The following POU2F1 variants were observed in gnomAD, a reference collection of about 807,000 sequenced individuals.
POU2F1 encodes the protein POU class 2 homeobox 1.
A neutral mutation model predicts 84.9 loss-of-function variants in POU2F1; 16 were observed. That is an observed-to-expected ratio of 0.19 (90% CI 0.13 to 0.29). The LOEUF (loss-of-function observed/expected upper bound fraction) is 0.29. Among genes scored for constraint, POU2F1 ranks in the 10% least tolerant of loss-of-function variants. The pLI is 1.00. For synonymous variants in POU2F1, 368 were observed against 368.3 expected (o/e 1.00, Z 0.01); for missense variants, 738 against 942.6 (o/e 0.78, Z 2.84).
At chr1:167,308,906 T>A (rs1655269312) in intron 1 of POU2F1, among the ~76,000 whole-genome samples, 1 of 152,248 alleles carries the variant, frequency 6.6e-6, no homozygotes, top group African/African-American at 2.4e-5. Context: ...TTTGGAATCC[T>A]ACTATAAGGG....
At position 167,308,070 on chromosome 1, in the gene POU2F1, C is replaced by CT. The variant is rs1231393962; in HGVS notation, c.62-24385dup. On this transcript the variant is annotated intron_variant, in intron 1 of 15. Transcript: ENST00000367866. ...GGTGGTGCAAAATTTTTATTTGTTT[C>CT]TTTTTTTTTTTTTTTAGACGGAGCC... 8.0e-4 allele frequency among the ~76,000 whole-genome samples: 111 copies of CT among 138,184 alleles called. 1 individual carries two copies. The highest frequency in any genetic ancestry group is 3.3e-3 in the South Asian group (14 of 4,220). 90.7% of individuals were successfully genotyped at this position (138,184 alleles called of 152,430 possible). A position where few individuals can be genotyped will look rare whatever the true frequency, so the allele number is the denominator to read the frequency against.
rs924594114 is a variant in POU2F1, at chr1:167,424,543, G to A, written c.*8733G>A. On this transcript the variant is annotated 3_prime_UTR_variant, in exon 16 of 16. Coordinates refer to ENST00000367866, the MANE Select transcript of POU2F1 (RefSeq NM_002697.4). ...TACCTCATTTCTAACTCGTGACCGAGTGACTTGCTTTAACTTTCTCGAAAT... is the reference window on the plus strand; with the variant it reads ...TACCTCATTTCTAACTCGTGACCGAATGACTTGCTTTAACTTTCTCGAAAT... 4 of 152,252 alleles carry A rather than the reference G, an allele frequency of 2.6e-5. No individual in the cohort carries two copies. Among genetic ancestry groups the A allele is most frequent in the Non-Finnish European group, 5.9e-5 (4 of 68,080 alleles). The allele number at this position is 152,252 out of a possible 1,614,324, so 9.4% of individuals were successfully genotyped here.
At chr1:167,280,337 T>A (rs1254947583) in intron 1 of POU2F1, among the ~76,000 whole-genome samples, 1 of 152,198 alleles carries the variant, frequency 6.6e-6, no homozygotes, top group Admixed American at 6.5e-5. Context: ...AGAGAGATTT[T>A]ATTGCCATTA....
chr1:167,249,306 C>G (rs1197131211), intron 1 of POU2F1, among the ~76,000 whole-genome samples: 1 of 152,216 alleles, frequency 6.6e-6, no homozygotes, highest in Non-Finnish European at 1.5e-5. Context: ...GTAAACTCCT[C>G]TAAACTCCCT....
chr1:167,355,486 A>T (rs965065374), intron 2 of POU2F1, among the ~76,000 whole-genome samples: 13 of 152,212 alleles, frequency 8.5e-5, no homozygotes, highest in African/African-American at 2.9e-4. Context: ...ATGCCATTCT[A>T]TGTAAATTTT....
intron 1 of POU2F1, among the ~76,000 whole-genome samples, chr1:167,227,996 A>T (rs1648765264): frequency 4.6e-5 from 7 of 152,180 alleles, no homozygotes; most frequent in Admixed American, 2.6e-4. Flanking sequence ...ACAGATAAGA[A>T]CACAAGACTT....
At chr1:167,327,168 C>T (rs752468672) in intron 1 of POU2F1, among the ~76,000 whole-genome samples, 8 of 152,108 alleles carry the variant, frequency 5.3e-5, no homozygotes, top group Non-Finnish European at 1.0e-4. Context: ...TTGATGCTTT[C>T]AAAAGATGGA....
chr1:167,375,919 A>G lies in POU2F1; in HGVS notation c.592-110A>G, dbSNP rs1474074320. 6.0e-6 allele frequency: 8 copies of G among 1,337,576 alleles called. No individual in the cohort carries two copies. In the East Asian group the frequency reaches 1.4e-4, roughly 23 times the overall value. The allele number at this position is 1,337,576 out of a possible 1,614,324, so 82.9% of individuals were successfully genotyped here. On this transcript the variant is annotated intron_variant, in intron 6 of 15. Transcript: ENST00000367866. ...TTTGGAATATGAAAGCATGCGAAGT[A>G]TTTACTCTTCTTTATTTGGATGTGA...
chr1:167,250,095 A>G (rs191389450), intron 1 of POU2F1, among the ~76,000 whole-genome samples: 1 of 151,718 alleles, frequency 6.6e-6, no homozygotes, highest in East Asian at 1.9e-4. Flanking sequence ...TTTTTTTTTC[A>G]GTATATTTTC....
chr1:167,281,530 A>C (rs36105494), intron 1 of POU2F1, among the ~76,000 whole-genome samples: 1,839 of 152,322 alleles, frequency 0.012, 14 homozygotes, highest in South Asian at 0.027. Flanking sequence ...ATTTATGGAC[A>C]AAAAAAGGAA....
chr1:167,292,504 A>G (rs1653998480), intron 1 of POU2F1, among the ~76,000 whole-genome samples: 1 of 151,400 alleles, frequency 6.6e-6, no homozygotes, highest in Non-Finnish European at 1.5e-5. Context: ...AAAACTTGCC[A>G]ACAAAAAAAG....
intron 1 of POU2F1, among the ~76,000 whole-genome samples, chr1:167,319,424 G>A (rs1158820946): frequency 6.6e-6 from 1 of 152,054 alleles, no homozygotes; most frequent in Non-Finnish European, 1.5e-5. Context: ...AGTCAGTAAT[G>A]CTAGATTCAG....
chr1:167,231,302 A>G (rs545155115), intron 1 of POU2F1, among the ~76,000 whole-genome samples: 40 of 152,142 alleles, frequency 2.6e-4, no homozygotes, highest in African/African-American at 8.4e-4. Flanking sequence ...TAAATATAAC[A>G]TATATTTTTA....
At chr1:167,227,964 A>G (rs1206626846) in intron 1 of POU2F1, among the ~76,000 whole-genome samples, 1 of 152,212 alleles carries the variant, frequency 6.6e-6, no homozygotes, top group Non-Finnish European at 1.5e-5. Flanking sequence ...TGACTTGCTC[A>G]CAGTCACTTA....
chr1:167,402,699 T>C (rs1212300717), intron 13 of POU2F1, among the ~76,000 whole-genome samples: 2 of 152,186 alleles, frequency 1.3e-5, no homozygotes, highest in African/African-American at 4.8e-5. Context: ...ATAACCTTGG[T>C]TCAAGAATAT....
chr1:167,383,812 G>A (rs530277042), intron 7 of POU2F1, 45 bp from the exon 8 acceptor site: 20 of 1,519,428 alleles, frequency 1.3e-5, no homozygotes, highest in African/African-American at 4.1e-5. Flanking sequence ...CCATGTGTTC[G>A]AAGAAATCTT....
chr1:167,391,743 A>C (rs1648425687), intron 9 of POU2F1, among the ~76,000 whole-genome samples: 1 of 150,300 alleles, frequency 6.7e-6, no homozygotes, highest in Non-Finnish European at 1.5e-5. Context: ...ATTTTTGTAG[A>C]GACAAGGTCT....
At chr1:167,258,434 C>T (rs1651308524) in intron 1 of POU2F1, among the ~76,000 whole-genome samples, 1 of 152,166 alleles carries the variant, frequency 6.6e-6, no homozygotes, top group Admixed American at 6.5e-5. Context: ...ATAGCACTTA[C>T]AAATTGCAAA....
intron 1 of POU2F1, among the ~76,000 whole-genome samples, chr1:167,311,724 A>C (rs537253336): frequency 6.6e-6 from 1 of 152,056 alleles, no homozygotes. Context: ...TTGTGCAGCT[A>C]TACAATGTCT....
Sources: gnomAD v4.1 joint callset for allele counts (sites outside exome capture counted in the v4.1 genomes callset) on GRCh38, gnomAD v4.1.1 for gene constraint, MANE v1.5 for transcripts, NCBI Gene and HGNC (gene_info 2026-07-23, HGNC 2026-07-21) for gene names.